PPP1R9A: variants seen among roughly 807,000 people sequenced by gnomAD.
The protein encoded by PPP1R9A is neurabin-1.
A neutral mutation model predicts 141.9 loss-of-function variants in PPP1R9A; 59 were observed. That is an observed-to-expected ratio of 0.42 (90% CI 0.34 to 0.52). The LOEUF is 0.52. Among genes scored for constraint, PPP1R9A ranks in the 20% least tolerant of loss-of-function variants. The pLI is 0.10. For missense variants in PPP1R9A, 1,444 were observed against 1,611.9 expected (o/e 0.90, Z 1.78); for synonymous variants, 500 against 569.7 (o/e 0.88, Z 1.74).
intron 2 of PPP1R9A, among the ~76,000 whole-genome samples, chr7:95,103,569 C>T (rs1185729677): frequency 2.6e-5 from 4 of 151,938 alleles, no homozygotes; most frequent in East Asian, 1.9e-4. Flanking sequence ...GGGGTTTCAC[C>T]GTGTTAGCCA....
intron 2 of PPP1R9A, among the ~76,000 whole-genome samples, chr7:94,923,427 C>G (rs563641737): frequency 1.7e-4 from 26 of 152,256 alleles, no homozygotes; most frequent in African/African-American, 5.8e-4. Flanking sequence ...CAGGCTTGCT[C>G]TCTGTGAAGG....
intron 2 of PPP1R9A, among the ~76,000 whole-genome samples, chr7:94,925,225 A>C (rs1325370558): frequency 6.6e-6 from 1 of 151,952 alleles, no homozygotes; most frequent in African/African-American, 2.4e-5. Flanking sequence ...CTTGTGGGGG[A>C]GTCAGTCTGT....
At chr7:95,192,847 T>G (rs1835705382) in intron 5 of PPP1R9A, among the ~76,000 whole-genome samples, 1 of 152,132 alleles carries the variant, frequency 6.6e-6, no homozygotes, top group South Asian at 2.1e-4. Flanking sequence ...TTCTGCTGAA[T>G]TCTCTTTATG....
At chr7:95,089,041 C>G (rs935041867) in intron 2 of PPP1R9A, among the ~76,000 whole-genome samples, 22 of 151,960 alleles carry the variant, frequency 1.4e-4, no homozygotes, top group Non-Finnish European at 2.4e-4. Context: ...AGTGGAAGAG[C>G]AGATCTTCTG....
At chr7:95,151,650 A>G (rs1319894458) in intron 4 of PPP1R9A, among the ~76,000 whole-genome samples, 6 of 151,386 alleles carry the variant, frequency 4.0e-5, no homozygotes, top group Non-Finnish European at 8.8e-5. Flanking sequence ...GTGTCTTTAA[A>G]GGTTTTTTTT....
At chr7:95,208,956 T>TAA (rs10670515) in intron 7 of PPP1R9A, among the ~76,000 whole-genome samples, 34,089 of 76,640 alleles carry the variant, frequency 0.44, 7,341 homozygotes, top group South Asian at 0.5. Context: ...ATAGCAAAAC[T>TAA]AAAAAAAAAA....
At chr7:95,027,751 AT>A (rs2151787460) in intron 2 of PPP1R9A, among the ~76,000 whole-genome samples, 1 of 152,276 alleles carries the variant, frequency 6.6e-6, no homozygotes, top group African/African-American at 2.4e-5. Context: ...ACTGTACTGA[AT>A]ACTGTTGGCA....
At chr7:95,061,661 A>G (rs552700724) in intron 2 of PPP1R9A, among the ~76,000 whole-genome samples, 2 of 152,254 alleles carry the variant, frequency 1.3e-5, no homozygotes, top group South Asian at 4.1e-4. Context: ...GCTTGAGCCC[A>G]GGAGGTCATG....
intron 4 of PPP1R9A, among the ~76,000 whole-genome samples, chr7:95,158,498 C>G (rs932073934): frequency 6.6e-6 from 1 of 151,718 alleles, no homozygotes; most frequent in Admixed American, 6.6e-5. Context: ...CCCACCTCCC[C>G]AAAAAAGGAA....
At chr7:95,246,662 A>T (rs1798157395) in intron 8 of PPP1R9A, among the ~76,000 whole-genome samples, 1 of 152,196 alleles carries the variant, frequency 6.6e-6, no homozygotes, top group South Asian at 2.1e-4. Context: ...ATCTGGCCCC[A>T]AGGATTTCAG....
At chr7:94,978,585 G>A (rs1015585317) in intron 2 of PPP1R9A, among the ~76,000 whole-genome samples, 1 of 151,332 alleles carries the variant, frequency 6.6e-6, no homozygotes, top group African/African-American at 2.4e-5. Flanking sequence ...TTTTTTTTGT[G>A]GGCTGCATTC....
rs188885354 is a variant in PPP1R9A at position 95,280,493 on chromosome 7, T to C, written c.3297-3525T>C. 9.2e-5 allele frequency among the ~76,000 whole-genome samples: 14 copies of C among 152,326 alleles called. No homozygotes were observed. In the East Asian group the frequency reaches 2.5e-3, roughly 27 times the overall value. On this transcript the variant is annotated intron_variant, in intron 16 of 19. Transcript: ENST00000433360. ...CCCAGGATACACTGGATTCAAGATA[T>C]ATGTAAATGAGTTCATTACTTATAA...
At chr7:95,115,459 A>G (rs1318736462) in intron 3 of PPP1R9A, among the ~76,000 whole-genome samples, 2 of 152,184 alleles carry the variant, frequency 1.3e-5, no homozygotes, top group African/African-American at 4.8e-5. Context: ...GTGTTAAACT[A>G]TTTTAGATCA....
intron 2 of PPP1R9A, among the ~76,000 whole-genome samples, chr7:95,075,018 T>G (rs904887329): frequency 1.8e-4 from 28 of 152,206 alleles, no homozygotes; most frequent in African/African-American, 6.5e-4. Context: ...TGTAATTGGT[T>G]CATTTTTCTA....
chr7:95,072,874 ATAT>A (rs1262316078), intron 2 of PPP1R9A, among the ~76,000 whole-genome samples: 18 of 114,712 alleles, frequency 1.6e-4, no homozygotes, highest in East Asian at 6.4e-4. Flanking sequence ...ATATAATATA[ATAT>A]TATATAATAT....
intron 5 of PPP1R9A, among the ~76,000 whole-genome samples, chr7:95,192,459 T>C (rs375560685): frequency 4.0e-4 from 61 of 152,186 alleles, no homozygotes; most frequent in African/African-American, 1.3e-3. Flanking sequence ...TGATACATGA[T>C]CTATTGATGT....
chr7:94,953,346 G>C (rs1484231136), intron 2 of PPP1R9A, among the ~76,000 whole-genome samples: 1 of 152,112 alleles, frequency 6.6e-6, no homozygotes, highest in Non-Finnish European at 1.5e-5. Context: ...GTACCATGCT[G>C]TTTTAGTTAC....
intron 2 of PPP1R9A, among the ~76,000 whole-genome samples, chr7:95,005,781 A>G (rs1803508629): frequency 1.3e-5 from 2 of 152,180 alleles, no homozygotes; most frequent in Non-Finnish European, 2.9e-5. Flanking sequence ...GCCTATATAA[A>G]TAAGTGCTAC....
chr7:94,945,867 AT>A (rs1267048913), intron 2 of PPP1R9A, among the ~76,000 whole-genome samples: 1 of 152,030 alleles, frequency 6.6e-6, no homozygotes, highest in Non-Finnish European at 1.5e-5. Context: ...TTGAATATTA[AT>A]TTTAATATAC....
Sources: gnomAD v4.1 joint callset for allele counts (sites outside exome capture counted in the v4.1 genomes callset) on GRCh38, gnomAD v4.1.1 for gene constraint, MANE v1.5 for transcripts, NCBI Gene and HGNC (gene_info 2026-07-23, HGNC 2026-07-21) for gene names.